Variants in ITGAE observed in about 807,000 individuals in gnomAD.
ITGAE encodes the protein integrin alpha-E.
Under a neutral mutation model 136.5 loss-of-function variants are expected in ITGAE, and 99 were observed. The ratio of observed to expected loss-of-function variants is 0.73; its 90% confidence interval spans 0.62 to 0.86. ITGAE has a LOEUF of 0.86. Among genes scored for constraint, ITGAE ranks in the 40% least tolerant of loss-of-function variants. The pLI is 0.00. For synonymous variants in ITGAE, 613 were observed against 591.8 expected (o/e 1.04, Z -0.52); for missense variants, 1,447 against 1,515.3 (o/e 0.95, Z 0.75).
intron 28 of ITGAE, 24 bp from the exon 29 acceptor site, chr17:3,720,426 G>A (rs897333065): frequency 5.6e-6 from 6 of 1,068,400 alleles, no homozygotes; most frequent in African/African-American, 1.6e-5. Context: ...AAAGGAATGA[G>A]GGAAACAAAA....
At chr17:3,768,406 G>A (rs1226812478) in intron 2 of ITGAE, among the ~76,000 whole-genome samples, 1 of 152,058 alleles carries the variant, frequency 6.6e-6, no homozygotes, top group African/African-American at 2.4e-5. Flanking sequence ...AGTGAGCCTA[G>A]TGAGTTACAG....
chr17:3,723,984 G>C (rs1182396595), intron 26 of ITGAE: 4 of 1,592,824 alleles, frequency 2.5e-6, no homozygotes. Flanking sequence ...CCGCACATAT[G>C]GGGCTGCGGA....
Position 3,794,290 on chromosome 17 carries a change from T to C in ITGAE, c.34+6821A>G, listed in dbSNP as rs141853435. Among the ~76,000 whole-genome samples the C allele has an allele frequency of 1.8e-4, 27 of 152,242 alleles. No individual in the cohort carries two copies. The Middle Eastern group carries it at 0.01, about 58-fold the overall frequency. On this transcript the variant is annotated intron_variant, in intron 1 of 30. Transcript: ENST00000263087. ...CCGTGCCTGGCCTCTAATTTTTTTTTAAATTTTTTGTAGAGATGGGGGTCT... is the reference window on the plus strand; with the variant it reads ...CCGTGCCTGGCCTCTAATTTTTTTTCAAATTTTTTGTAGAGATGGGGGTCT...
At chr17:3,756,949 G>A in intron 10 of ITGAE, 35 bp downstream of exon 10, 2 of 1,588,758 alleles carry the variant, frequency 1.3e-6, no homozygotes. Flanking sequence ...ATAGGCTCGG[G>A]CCTCCTGCGG....
rs1362399878 is a variant in ITGAE at position 3,753,279 on chromosome 17, G to A, written c.1668+11C>T. ...GCCTCAGCAAGCTCATGAAGATGGAGACTCTCCCACCTGCTCGCTGAGACG... is the reference window on the plus strand; with the variant it reads ...GCCTCAGCAAGCTCATGAAGATGGAAACTCTCCCACCTGCTCGCTGAGACG... On this transcript the variant is annotated intron_variant, in intron 14 of 30. Transcript: ENST00000263087. 1 of 1,611,788 alleles carries A rather than the reference G, an allele frequency of 6.2e-7. No individual in the cohort carries two copies. Among genetic ancestry groups the A allele is most frequent in the Non-Finnish European group, 8.5e-7 (1 of 1,178,482 alleles).
At chr17:3,753,097 G>A (rs1275223638) in intron 14 of ITGAE, among the ~76,000 whole-genome samples, 193 bp downstream of exon 14, 1 of 152,140 alleles carries the variant, frequency 6.6e-6, no homozygotes, top group African/African-American at 2.4e-5. Flanking sequence ...TATCATCAAC[G>A]ATCACCCTTG....
At chr17:3,767,009 G>A (rs1048502007) in intron 2 of ITGAE, among the ~76,000 whole-genome samples, 4 of 151,566 alleles carry the variant, frequency 2.6e-5, no homozygotes, top group Non-Finnish European at 5.9e-5. Context: ...CAAAACCCAG[G>A]AGGCATCCTC....
At chr17:3,733,564 G>A (rs949382636) in intron 21 of ITGAE, among the ~76,000 whole-genome samples, 13 of 152,092 alleles carry the variant, frequency 8.5e-5, no homozygotes, top group African/African-American at 3.1e-4. Context: ...GGGATTACAG[G>A]TGTACATCAC....
intron 4 of ITGAE, 47 bp downstream of exon 4, chr17:3,761,868 A>C (rs1488050401): frequency 6.5e-7 from 1 of 1,529,366 alleles, no homozygotes; most frequent in African/African-American, 1.4e-5. Context: ...CACGAGGGCT[A>C]GCACCAGCCT....
At chr17:3,725,770 T>C (rs2051195205) in intron 26 of ITGAE, 3 of 1,599,290 alleles carry the variant, frequency 1.9e-6, no homozygotes, top group Non-Finnish European at 2.6e-6. Flanking sequence ...GGGATTGACT[T>C]AGAGCAAATG....
At chr17:3,743,705 C>CT (rs34843140) in intron 18 of ITGAE, 88 bp from the exon 19 acceptor site, 176,301 of 917,538 alleles carry the variant, frequency 0.19, 6,846 homozygotes, top group African/African-American at 0.51. Context: ...TTCTTTTTTT[C>CT]TTTTTTTTTT....
In ITGAE at chr17:3,753,890, G is replaced by T. The variant is rs1174118423; in HGVS notation, c.1420C>A (p.Leu474Ile). ...CGTGGAGCCCCCGCGATGTAGGAGA[G>T]GCTGCAGGTCTTGTGCAGCACGGCC... ...AVAVLHKTCS[L>I]SYIAGAPRYK... Residue 474 changes from leucine (L) to isoleucine (I), a missense_variant, in exon 13 of 31, where the codon CTC becomes ATC. By Grantham distance (5) the Leu-to-Ile change is conservative. Coordinates refer to ENST00000263087, the MANE Select transcript of ITGAE (RefSeq NM_002208.5). 3 of 1,614,010 alleles carry T rather than the reference G, an allele frequency of 1.9e-6. No homozygotes were observed. Among genetic ancestry groups the T allele is most frequent in the Non-Finnish European group, 2.5e-6 (3 of 1,180,016 alleles).
intron 1 of ITGAE, among the ~76,000 whole-genome samples, chr17:3,787,161 G>T (rs975190158): frequency 2.0e-5 from 3 of 151,658 alleles, no homozygotes; most frequent in Non-Finnish European, 2.9e-5. Flanking sequence ...GCCCAGGCTG[G>T]AGTGCAGTGG....
intron 1 of ITGAE, among the ~76,000 whole-genome samples, chr17:3,778,518 G>A (rs533517120): frequency 1.3e-5 from 2 of 152,270 alleles, no homozygotes; most frequent in Admixed American, 6.5e-5. Flanking sequence ...AGCCGAGATT[G>A]CACCGCTGCA....
rs144331881 is a variant in ITGAE at position 3,750,363 on chromosome 17, C to T, written c.2013G>A (p.Ala671=). 3.2e-5 allele frequency: 52 copies of T among 1,613,950 alleles called. No individual in the cohort carries two copies. Among genetic ancestry groups the T allele is most frequent in the Non-Finnish European group, 4.1e-5 (48 of 1,179,996 alleles). ...ADITVGTLGQ[A]VVFRSRPVVR... ...GGACAGAACCCTACCGGAACACAAC[C>T]GCCTGGCCCAGAGTGCCCACGGTGA... Residue 671 remains alanine, a synonymous_variant, in exon 16 of 31, where the codon GCG becomes GCA. Transcript: ENST00000263087.
At chr17:3,752,700 G>T (rs975746277) in intron 14 of ITGAE, among the ~76,000 whole-genome samples, 1 of 150,852 alleles carries the variant, frequency 6.6e-6, no homozygotes, top group African/African-American at 2.4e-5. Flanking sequence ...GCAGTAAGTT[G>T]AGATTGCACC....
intron 29 of ITGAE, 26 bp downstream of exon 29, chr17:3,720,281 C>T: frequency 8.6e-7 from 1 of 1,163,372 alleles, no homozygotes; most frequent in Non-Finnish European, 1.3e-6. Context: ...TCCTTGGGCA[C>T]TACTCAGAAG....
intron 1 of ITGAE, among the ~76,000 whole-genome samples, chr17:3,784,154 G>A (rs1176257651): frequency 6.6e-6 from 1 of 151,952 alleles, no homozygotes; most frequent in Non-Finnish European, 1.5e-5. Flanking sequence ...CAGCTACTCG[G>A]GAGGTTGAGG....
chr17:3,746,600 C>T (rs1057075013), intron 17 of ITGAE, among the ~76,000 whole-genome samples: 5 of 152,162 alleles, frequency 3.3e-5, no homozygotes, highest in Admixed American at 1.3e-4. Flanking sequence ...GGACTACAGG[C>T]GCCCGCCACC....
Sources: allele counts gnomAD v4.1 joint callset (sites outside exome capture counted in the v4.1 genomes callset), GRCh38; gene constraint gnomAD v4.1.1; transcripts MANE v1.5; gene names NCBI Gene and HGNC (gene_info 2026-07-23, HGNC 2026-07-21).